Variants in DDX43 observed in about 807,000 individuals in gnomAD.
The protein encoded by DDX43 is probable ATP-dependent RNA helicase DDX43.
Under a neutral mutation model 84.9 loss-of-function variants are expected in DDX43, and 50 were observed. That is an observed-to-expected ratio of 0.59 (90% CI 0.47 to 0.75). The LOEUF (loss-of-function observed/expected upper bound fraction) is 0.75. Ranked by LOEUF, DDX43 falls within the 30% of genes least tolerant of loss-of-function variation. The probability of loss-of-function intolerance (pLI) is 0.00; values close to 1 mark genes in which losing one functional copy is unlikely to be tolerated. For missense variants in DDX43, 689 were observed against 798.6 expected, an observed-to-expected ratio of 0.86 and a Z score of 1.65; for synonymous variants, 291 against 266.3, an observed-to-expected ratio of 1.09 and a Z score of -0.90.
At chr6:73,404,995 G>T (rs1217823170) in intron 5 of DDX43, among the ~76,000 whole-genome samples, 2 of 152,066 alleles carry the variant, frequency 1.3e-5, no homozygotes, top group Non-Finnish European at 2.9e-5. Flanking sequence ...GGCACTTAAA[G>T]TATGGCTGGT....
rs1769921213 is a variant in DDX43 at position 73,417,195 on chromosome 6, AT to A, written c.*40del. On this transcript the variant is annotated 3_prime_UTR_variant, in exon 17 of 17. Transcript: ENST00000370336. Reference sequence around the variant, plus strand: ...TTTTTTCTATTTTTCAGAATTCAAGATTTTTTAGAAATATAGTAAGACGGAA... The same window carrying A: ...TTTTTTCTATTTTTCAGAATTCAAGATTTTTAGAAATATAGTAAGACGGAA... 6.6e-6 allele frequency: 1 copy of A among 152,152 alleles called. No individual in the cohort carries two copies. Among genetic ancestry groups the A allele is most frequent in the Non-Finnish European group, 1.5e-5 (1 of 68,024 alleles). 9.4% of individuals were successfully genotyped at this position (152,152 alleles called of 1,614,324 possible). A position where few individuals can be genotyped will look rare whatever the true frequency, so the allele number is the denominator to read the frequency against.
At position 73,394,854 on chromosome 6, in the gene DDX43, G is replaced by A; in HGVS notation, c.-52G>A. The A allele has an allele frequency of 1.3e-6, 2 of 1,595,068 alleles. No homozygotes were observed. The highest frequency in any genetic ancestry group is 2.3e-5 in the South Asian group (2 of 87,962). On this transcript the variant is annotated 5_prime_UTR_variant, in exon 1 of 17. Coordinates refer to ENST00000370336, the MANE Select transcript of DDX43 (RefSeq NM_018665.3). ...CGCTACTCTTACGACGTCACGGTCA[G>A]GTGGTGCAGAGCTGGACGGCAACGA...
chr6:73,409,475 A>G (rs1769745440), intron 10 of DDX43, 127 bp downstream of exon 10: 2 of 755,078 alleles, frequency 2.6e-6, no homozygotes, highest in African/African-American at 1.7e-5. Context: ...GAAAGATCTC[A>G]TAACATTGGA....
chr6:73,412,672 C>T (rs1463656094), intron 11 of DDX43, among the ~76,000 whole-genome samples: 72 of 42,806 alleles, frequency 1.7e-3, no homozygotes, highest in South Asian at 4.9e-3. Flanking sequence ...TGTGTGTGCG[C>T]GCGCGCGTGT....
intron 1 of DDX43, among the ~76,000 whole-genome samples, chr6:73,395,629 A>T (rs1450146954): frequency 6.6e-6 from 1 of 152,050 alleles, no homozygotes; most frequent in African/African-American, 2.4e-5. Context: ...AAAAAAAAAA[A>T]AAAAAGTAAT....
At position 73,407,548 on chromosome 6, in the gene DDX43, C is replaced by T; in HGVS notation, c.970C>T (p.Pro324Ser). Reference sequence around the variant, plus strand: ...TAGACCCGGCATGTTAGTTCTAACTCCCACTCGGGAATTAGCACTTCAAGT... The same window carrying T: ...TAGACCCGGCATGTTAGTTCTAACTTCCACTCGGGAATTAGCACTTCAAGT... ...RNRPGMLVLTPTRELALQVEG... is the reference protein window; with the variant it reads ...RNRPGMLVLTSTRELALQVEG... Residue 324 changes from proline (P) to serine (S), a missense_variant, in exon 8 of 17, where the codon CCC (proline) becomes TCC (serine). Coordinates refer to ENST00000370336, the MANE Select transcript of DDX43 (RefSeq NM_018665.3). 9 of 1,613,948 alleles carry T rather than the reference C, an allele frequency of 5.6e-6. No homozygotes were observed. Among genetic ancestry groups the T allele is most frequent in the Non-Finnish European group, 7.6e-6 (9 of 1,179,886 alleles).
chr6:73,399,542 G>A (rs1457934764), intron 2 of DDX43, among the ~76,000 whole-genome samples: 1 of 152,234 alleles, frequency 6.6e-6, no homozygotes, highest in Non-Finnish European at 1.5e-5. Flanking sequence ...CCTCGTTTCA[G>A]CACTCATACA....
intron 5 of DDX43, 41 bp downstream of exon 5, chr6:73,404,812 G>C: frequency 2.1e-6 from 3 of 1,458,102 alleles, no homozygotes; most frequent in Non-Finnish European, 2.9e-6. Flanking sequence ...TATTTGTATA[G>C]TTACGTTATT....
chr6:73,396,966 C>A (rs1769485595), intron 1 of DDX43, among the ~76,000 whole-genome samples: 1 of 152,044 alleles, frequency 6.6e-6, no homozygotes, highest in Admixed American at 6.6e-5. Flanking sequence ...ATTAATCAGT[C>A]TATGATAAAT....
Position 73,415,385 on chromosome 6 carries a change from CTGTT to C in DDX43, c.1746-109_1746-106del, listed in dbSNP as rs1428466892. On this transcript the variant is annotated intron_variant, in intron 14 of 16. Transcript: ENST00000370336. ...ACCACAGCAGATTTAGATTCCAAATCTGTTTGACCCTAAATCTTAATACATTCCA... is the reference window on the plus strand; with the variant it reads ...ACCACAGCAGATTTAGATTCCAAATCTGACCCTAAATCTTAATACATTCCA... 3.9e-5 allele frequency: 24 copies of C among 616,662 alleles called. No individual in the cohort carries two copies. In the East Asian group the frequency reaches 6.5e-4, roughly 17 times the overall value. The allele number at this position is 616,662 out of a possible 1,614,324, so 38.2% of individuals were successfully genotyped here.
rs780908058 is a variant in DDX43 at position 73,415,500 on chromosome 6, G to A, written c.1749G>A (p.Arg583=). The A allele has an allele frequency of 5.6e-6, 9 of 1,610,632 alleles. No homozygotes were observed. The highest frequency in any genetic ancestry group is 1.1e-5 in the South Asian group (1 of 90,900). The change falls in exon 15 of 17, where the codon AGG becomes AGA. Residue 583 remains arginine, a synonymous_variant. Transcript: ENST00000370336. ...HRIGRTGRAG[R]TGVSITTLTR... is the part of the protein sequence containing the mutation. Reference sequence around the variant, plus strand: ...GTTTTTTTCCCCCACACTAAAGGAGGACTGGTGTTTCCATTACAACTTTGA... The same window carrying A: ...GTTTTTTTCCCCCACACTAAAGGAGAACTGGTGTTTCCATTACAACTTTGA...
intron 2 of DDX43, among the ~76,000 whole-genome samples, chr6:73,398,812 A>G (rs1455902335): frequency 2.0e-5 from 3 of 152,122 alleles, no homozygotes; most frequent in African/African-American, 4.8e-5. Context: ...CCTTATTCTC[A>G]TTCACCGCTA....
intron 4 of DDX43, among the ~76,000 whole-genome samples, chr6:73,403,963 G>A (rs1219532793): frequency 1.3e-5 from 2 of 151,204 alleles, no homozygotes; most frequent in African/African-American, 4.9e-5. Flanking sequence ...GATTACAGGC[G>A]TCTGCCACCA....
chr6:73,406,222 A>T (rs1012287010), intron 6 of DDX43, 142 bp from the exon 7 acceptor site: 3 of 518,424 alleles, frequency 5.8e-6, no homozygotes, highest in Non-Finnish European at 3.5e-6. Context: ...CGGTTTCTCT[A>T]TGTTGGTCAG....
At chr6:73,414,487 T>C in intron 13 of DDX43, 61 bp from the exon 14 acceptor site, 3 of 1,356,572 alleles carry the variant, frequency 2.2e-6, no homozygotes, top group Non-Finnish European at 3.0e-6. Context: ...AAATATTATT[T>C]TTAGATCTTG....
At position 73,413,751 on chromosome 6, in the gene DDX43, GAC is replaced by G. The variant is rs1209622391; in HGVS notation, c.1464_1465del (p.Asp488GlufsTer18). 6.2e-7 allele frequency: 1 copy of G among 1,613,672 alleles called. No individual in the cohort carries two copies. The highest frequency in any genetic ancestry group is 1.7e-5 in the Admixed American group (1 of 59,890). ...TTTTCTACAGAGTATGTCATCCACA[GAC>G]AAAGTCATTGTCTTCGTTTCTCGAA... is the stretch of plus-strand genomic sequence containing the variant. ...QTFLQSMSST[D>X]KVIVFVSRKA... On this transcript the variant is annotated frameshift_variant, in exon 12 of 17. Transcript: ENST00000370336. LOFTEE classifies it high-confidence loss of function.
rs772594224 is a variant in DDX43 at position 73,414,013 on chromosome 6, G to A, written c.1540G>A (p.Val514Ile). The A allele has an allele frequency of 6.2e-7, 1 of 1,612,488 alleles. No homozygotes were observed. The highest frequency in any genetic ancestry group is 1.1e-5 in the South Asian group (1 of 91,040). Reference protein sequence around the residue: ...SSDLILGNISVESLHGDREQR... With the variant: ...SSDLILGNISIESLHGDREQR... ...TGACCTAATACTTGGAAATATATCA[G>A]TAGAGTCTCTGCATGGAGATAGAGA... is the stretch of plus-strand genomic sequence containing the variant. The change falls in exon 13 of 17, where the codon GTA becomes ATA. Residue 514 changes from valine (V) to isoleucine (I), a missense_variant. This residue lies in a region of DDX43 where 552 missense variants were observed against 692.7 expected (regional missense o/e 0.80). Transcript: ENST00000370336.
rs561655846 is a variant in DDX43, at chr6:73,400,387, C to A, written c.436+24C>A. On this transcript the variant is annotated intron_variant, in intron 3 of 16. Transcript: ENST00000370336. ...TGGTAAGTAATTTTCTCCCACTGAA[C>A]CCCTTTAAAAGTTTTTAATTTCATT... 174 of 1,581,622 alleles carry A rather than the reference C, an allele frequency of 1.1e-4. 2 individuals are homozygous for A. The South Asian group carries it at 2.0e-3, about 18-fold the overall frequency.
intron 14 of DDX43, 134 bp downstream of exon 14, chr6:73,414,820 CT>C (rs1562286881): frequency 2.6e-6 from 2 of 772,868 alleles, no homozygotes; most frequent in East Asian, 5.5e-5. Flanking sequence ...ATACTTGCTA[CT>C]TTATTTATCC....
Sources: allele counts gnomAD v4.1 joint callset (sites outside exome capture counted in the v4.1 genomes callset), GRCh38; gene constraint gnomAD v4.1.1; regional missense constraint gnomAD v4.1.1; transcripts MANE v1.5; gene names NCBI Gene and HGNC (gene_info 2026-07-23, HGNC 2026-07-21).